Variants in CALCOCO2 observed in about 807,000 individuals in gnomAD.
CALCOCO2 encodes calcium-binding and coiled-coil domain-containing protein 2.
A neutral mutation model predicts 62.5 loss-of-function variants in CALCOCO2; 42 were observed. The ratio of observed to expected loss-of-function variants is 0.67; its 90% CI spans 0.53 to 0.87. CALCOCO2 has a LOEUF of 0.87. Among genes scored for constraint, CALCOCO2 ranks in the 40% least tolerant of loss-of-function variants. The pLI is 0.00. For missense variants in CALCOCO2, 456 were observed against 515.0 expected (o/e 0.89, Z 1.11); for synonymous variants, 167 against 173.0 (o/e 0.97, Z 0.27).
At chr17:48,855,996 C>T in intron 9 of CALCOCO2, 96 bp from the exon 10 acceptor site, 2 of 533,420 alleles carry the variant, frequency 3.7e-6, no homozygotes, top group East Asian at 3.0e-5. Context: ...CCATCTCAGT[C>T]TCCCCGCTTT....
rs768699665 is a variant in CALCOCO2, at chr17:48,848,378, G to T, written c.340G>T (p.Gly114Cys). The T allele has an allele frequency of 6.2e-7, 1 of 1,612,970 alleles. No individual in the cohort carries two copies. The highest frequency in any genetic ancestry group is 2.2e-5 in the East Asian group (1 of 44,878). Residue 114 changes from glycine to cysteine, a missense_variant, in exon 4 of 13, where the codon GGT becomes TGT. This residue lies in a region of CALCOCO2 where 236 missense variants were observed against 225.3 expected (regional missense o/e 1.05). Coordinates refer to ENST00000258947, the MANE Select transcript of CALCOCO2 (RefSeq NM_005831.5). Reference sequence around the variant, plus strand: ...CCAGTTCTGCTATGTGGATGAGGATGGTGTGGTCCGGGGAGCAAGTATTCC... The same window carrying T: ...CCAGTTCTGCTATGTGGATGAGGATTGTGTGGTCCGGGGAGCAAGTATTCC... ...YYQFCYVDEDGVVRGASIPFQ... is the reference protein window; with the variant it reads ...YYQFCYVDEDCVVRGASIPFQ...
chr17:48,862,891 C>T lies in CALCOCO2; in HGVS notation c.1227C>T (p.Thr409=). Residue 409 remains threonine (T), a synonymous_variant, in exon 13 of 13, where the codon ACC becomes ACT. Coordinates refer to ENST00000258947, the MANE Select transcript of CALCOCO2 (RefSeq NM_005831.5). The stretch of plus-strand genomic sequence containing the variant: ...AAGCAGATGATATTTGTGATCACAC[C>T]TTGGAGCAACAGCAGATGCAGCCCC... ...ICKADDICDH[T]LEQQQMQPLC... is the part of the protein sequence containing the mutation. The T allele has an allele frequency of 6.2e-7, 1 of 1,613,948 alleles. No homozygotes were observed. Among genetic ancestry groups the T allele is most frequent in the Admixed American group, 1.7e-5 (1 of 60,026 alleles).
At chr17:48,852,829 C>A in intron 8 of CALCOCO2, 97 bp from the exon 9 acceptor site, 2 of 1,031,598 alleles carry the variant, frequency 1.9e-6, no homozygotes, top group Non-Finnish European at 3.0e-6. Context: ...TCTCCCTATG[C>A]ATCCTGCTTG....
chr17:48,846,325 A>G (rs369153718), intron 2 of CALCOCO2: 5 of 600,148 alleles, frequency 8.3e-6, no homozygotes, highest in East Asian at 2.8e-5. Context: ...ATACATACAA[A>G]TATGTTACAT....
intron 9 of CALCOCO2, among the ~76,000 whole-genome samples, chr17:48,854,659 G>C (rs1462680557): frequency 6.6e-6 from 1 of 151,120 alleles, no homozygotes; most frequent in Non-Finnish European, 1.5e-5. Flanking sequence ...ACCCACCTCG[G>C]CCTCCCAAAG....
In CALCOCO2 at chr17:48,862,878, T is replaced by C. The variant is rs745555685; in HGVS notation, c.1214T>C (p.Ile405Thr). 2.5e-6 allele frequency: 4 copies of C among 1,614,108 alleles called. No individual in the cohort carries two copies. Among genetic ancestry groups the C allele is most frequent in the Non-Finnish European group, 3.4e-6 (4 of 1,179,942 alleles). Residue 405 changes from isoleucine (I) to threonine (T), a missense_variant, in exon 13 of 13, where the codon ATT (isoleucine) becomes ACT (threonine). Physicochemically the swap from Ile to Thr is moderately conservative, Grantham distance 89. Coordinates refer to ENST00000258947, the MANE Select transcript of CALCOCO2 (RefSeq NM_005831.5). ...KKCPICKADDICDHTLEQQQM... is the reference protein window; with the variant it reads ...KKCPICKADDTCDHTLEQQQM... Reference sequence around the variant, plus strand: ...TGCCCTATCTGCAAAGCAGATGATATTTGTGATCACACCTTGGAGCAACAG... The same window carrying C: ...TGCCCTATCTGCAAAGCAGATGATACTTGTGATCACACCTTGGAGCAACAG...
intron 1 of CALCOCO2, among the ~76,000 whole-genome samples, chr17:48,833,534 G>T (rs1412855799): frequency 3.4e-5 from 4 of 119,040 alleles, no homozygotes; most frequent in Non-Finnish European, 6.8e-5. Flanking sequence ...GCAACAGAGA[G>T]AGACTCTGTC....
In CALCOCO2 at chr17:48,864,534, G is replaced by A. The variant is rs573141012; in HGVS notation, c.*1529G>A. The A allele has an allele frequency of 2.6e-3, 404 of 152,906 alleles. 2 individuals carry two copies. Among genetic ancestry groups the A allele is most frequent in the Middle Eastern group, 0.024 (16 of 658 alleles). The allele number at this position is 152,906 out of a possible 1,614,324, so 9.5% of individuals were successfully genotyped here. A position where few individuals can be genotyped will look rare whatever the true frequency, so the allele number is the denominator to read the frequency against. ...TATCCCCTCAGGGACTGAACAAATGGAAATAACTCCCAGGCAGTATCAGGT... is the reference window on the plus strand; with the variant it reads ...TATCCCCTCAGGGACTGAACAAATGAAAATAACTCCCAGGCAGTATCAGGT... On this transcript the variant is annotated 3_prime_UTR_variant, in exon 13 of 13. Transcript: ENST00000258947.
rs1567753986 is a variant in CALCOCO2 at position 48,848,118 on chromosome 17, A to G, written c.235A>G (p.Ile79Val). The G allele has an allele frequency of 6.2e-6, 10 of 1,613,820 alleles. No individual in the cohort carries two copies. The highest frequency in any genetic ancestry group is 8.5e-6 in the Non-Finnish European group (10 of 1,179,726). ...YYTFMWVTLP[I>V]DLNNKSAKQQ... Reference sequence around the variant, plus strand: ...CACCTTCATGTGGGTTACTTTGCCCATTGACCTAAACAACAAATCAGCTAA... The same window carrying G: ...CACCTTCATGTGGGTTACTTTGCCCGTTGACCTAAACAACAAATCAGCTAA... Residue 79 changes from isoleucine to valine, a missense_variant, in exon 3 of 13, where the codon ATT (isoleucine) becomes GTT (valine). Ile to Val is a conservative substitution (Grantham distance 29). Transcript: ENST00000258947.
intron 9 of CALCOCO2, 119 bp from the exon 10 acceptor site, chr17:48,855,973 G>A (rs534940711): frequency 2.1e-6 from 1 of 471,296 alleles, no homozygotes; most frequent in Non-Finnish European, 3.9e-6. Context: ...CTTCCTCCCA[G>A]TTGCGTTCTC....
At chr17:48,838,524 C>T (rs2039928587) in intron 1 of CALCOCO2, among the ~76,000 whole-genome samples, 1 of 151,946 alleles carries the variant, frequency 6.6e-6, no homozygotes, top group South Asian at 2.1e-4. Context: ...ACCATCCTTT[C>T]TAACACGGTG....
intron 4 of CALCOCO2, chr17:48,848,699 CT>C: frequency 1.7e-6 from 1 of 591,568 alleles, no homozygotes; most frequent in Non-Finnish European, 3.1e-6. Context: ...ATTCTTTTAA[CT>C]TTCCAATTGC....
intron 2 of CALCOCO2, chr17:48,842,221 T>C (rs2039985227): frequency 6.5e-6 from 1 of 153,918 alleles, no homozygotes; most frequent in Non-Finnish European, 1.4e-5. Context: ...AATGGCACGA[T>C]TTGTCTCACT....
At chr17:48,853,114 A>C (rs1167794955) in intron 9 of CALCOCO2, 102 bp downstream of exon 9, 1 of 760,052 alleles carries the variant, frequency 1.3e-6, no homozygotes, top group African/African-American at 1.7e-5. Flanking sequence ...TAAATAAGAG[A>C]GTGTTCACCT....
chr17:48,847,881 C>T, intron 2 of CALCOCO2, 183 bp from the exon 3 acceptor site: 1 of 519,662 alleles, frequency 1.9e-6, no homozygotes, highest in Non-Finnish European at 3.4e-6. Flanking sequence ...TCTCAAACTA[C>T]TGAGCTCAGG....
intron 9 of CALCOCO2, among the ~76,000 whole-genome samples, chr17:48,854,137 G>A (rs1020503942): frequency 6.6e-6 from 1 of 151,020 alleles, no homozygotes; most frequent in Non-Finnish European, 1.5e-5. Context: ...CCAAAATGGA[G>A]AAACCCCGTC....
At chr17:48,853,054 G>A in intron 9 of CALCOCO2, 42 bp downstream of exon 9, 1 of 1,358,296 alleles carries the variant, frequency 7.4e-7, no homozygotes, top group Admixed American at 1.7e-5. Flanking sequence ...GGAGCCTATA[G>A]GGATGTAGAA....
intron 1 of CALCOCO2, chr17:48,839,451 C>G (rs1447158513): frequency 6.7e-6 from 1 of 148,640 alleles, no homozygotes; most frequent in Non-Finnish European, 1.5e-5. Context: ...TGGGTTCAAG[C>G]GGTTCTCCTG....
At chr17:48,862,028 G>A (rs1200533130) in intron 11 of CALCOCO2, among the ~76,000 whole-genome samples, 5 of 140,710 alleles carry the variant, frequency 3.6e-5, no homozygotes, top group African/African-American at 7.9e-5. Context: ...CAGCCTAGGC[G>A]ACAAAGCGAG....
Sources: allele counts gnomAD v4.1 joint callset (sites outside exome capture counted in the v4.1 genomes callset), GRCh38; gene constraint gnomAD v4.1.1; regional missense constraint gnomAD v4.1.1; transcripts MANE v1.5; gene names NCBI Gene and HGNC (gene_info 2026-07-23, HGNC 2026-07-21).